The following NKTR variants were observed in gnomAD, a reference collection of about 807,000 sequenced individuals.
NKTR encodes natural killer cell triggering receptor, also known as NK-tumor recognition protein.
NKTR carries 67 observed loss-of-function variants against 156.3 expected under a neutral mutation model. That is an observed-to-expected ratio of 0.43 (90% CI 0.35 to 0.53). The LOEUF (loss-of-function observed/expected upper bound fraction) is 0.53, where lower values mean the gene tolerates loss of function less well. Ranked by LOEUF, NKTR falls within the 20% of genes least tolerant of loss-of-function variation. NKTR has a pLI of 0.01. For synonymous variants in NKTR, 640 were observed against 596.6 expected (o/e 1.07, Z -1.06); for missense variants, 1,604 against 1,730.9 (o/e 0.93, Z 1.30).
At chr3:42,601,116 G>C in intron 2 of NKTR, 52 bp downstream of exon 2, 1 of 1,467,650 alleles carries the variant, frequency 6.8e-7, no homozygotes, top group Non-Finnish European at 9.2e-7. Context: ...CCTTGGCGAA[G>C]GGGAGGGGTC....
chr3:42,620,257 G>T, intron 5 of NKTR: 1 of 1,251,666 alleles, frequency 8.0e-7, no homozygotes, highest in Non-Finnish European at 1.0e-6. Context: ...GTCTAGTTGT[G>T]GGGTTTTTTT....
chr3:42,602,814 C>G (rs752174902), intron 2 of NKTR: 1 of 151,396 alleles, frequency 6.6e-6, no homozygotes, highest in Non-Finnish European at 1.5e-5. Context: ...GTCAGGAGTT[C>G]GAGACCAGCC....
Position 42,620,081 on chromosome 3 carries a change from T to C in NKTR, c.286+373T>C, listed in dbSNP as rs549425936. 2.6e-5 allele frequency: 40 copies of C among 1,532,072 alleles called. No homozygotes were observed. The African/African-American group carries it at 4.8e-4, about 18-fold the overall frequency. 94.9% of individuals were successfully genotyped at this position (1,532,072 alleles called of 1,614,324 possible). A position where few individuals can be genotyped will look rare whatever the true frequency, so the allele number is the denominator to read the frequency against. The stretch of plus-strand genomic sequence containing the variant: ...AGCTCAGTAACACAAACTCCAATTC[T>C]GTTCCCTTGCACCCTTCCTAATAAA... On this transcript the variant is annotated intron_variant, in intron 5 of 16. Coordinates refer to ENST00000232978, the MANE Select transcript of NKTR (RefSeq NM_005385.4).
chr3:42,609,158 G>A (rs1706532089), intron 2 of NKTR, among the ~76,000 whole-genome samples: 1 of 151,388 alleles, frequency 6.6e-6, no homozygotes, highest in Non-Finnish European at 1.5e-5. Flanking sequence ...AGATCAAATA[G>A]AACAAAAGAT....
intron 2 of NKTR, among the ~76,000 whole-genome samples, chr3:42,613,460 A>C (rs1355876586): frequency 6.6e-6 from 1 of 152,078 alleles, no homozygotes; most frequent in Non-Finnish European, 1.5e-5. Context: ...CTTGCTTGTA[A>C]TTAATTGTTC....
chr3:42,615,067 T>A (rs573977403), intron 2 of NKTR, among the ~76,000 whole-genome samples: 1 of 149,822 alleles, frequency 6.7e-6, no homozygotes, highest in Admixed American at 6.7e-5. Context: ...ATATTAGAGG[T>A]GAGATTTGTT....
At chr3:42,604,658 C>CTTTTTTTT (rs1706019981) in intron 2 of NKTR, among the ~76,000 whole-genome samples, 1 of 78,070 alleles carries the variant, frequency 1.3e-5, no homozygotes, top group East Asian at 2.9e-4. Context: ...CTATTTCTCT[C>CTTTTTTTT]CTTTTTTTTT....
At chr3:42,624,577 A>G (rs1035064338) in intron 6 of NKTR, among the ~76,000 whole-genome samples, 18 of 152,136 alleles carry the variant, frequency 1.2e-4, no homozygotes, top group Admixed American at 1.1e-3. Flanking sequence ...TTGAAAAGTC[A>G]TGTAAAGTCC....
intron 2 of NKTR, among the ~76,000 whole-genome samples, chr3:42,610,069 A>G (rs1011557321): frequency 1.3e-5 from 2 of 151,934 alleles, no homozygotes; most frequent in Admixed American, 6.6e-5. Context: ...AAAATGGTGC[A>G]ATCTCGGCTC....
At chr3:42,609,199 A>G (rs1445569577) in intron 2 of NKTR, among the ~76,000 whole-genome samples, 1 of 151,916 alleles carries the variant, frequency 6.6e-6, no homozygotes, top group Non-Finnish European at 1.5e-5. Context: ...TTAGAAAATT[A>G]CAAGTTTTAG....
At chr3:42,600,861 C>A in intron 1 of NKTR, 83 bp downstream of exon 1, 1 of 552,670 alleles carries the variant, frequency 1.8e-6, no homozygotes, top group Non-Finnish European at 2.9e-6. Flanking sequence ...TGGCCTCCTG[C>A]GCTGTCGCGA....
At chr3:42,611,050 A>G (rs3774401) in intron 2 of NKTR, 26,050 of 152,134 alleles carry the variant, frequency 0.17, 2,682 homozygotes, top group African/African-American at 0.29. Context: ...ATTTATGACT[A>G]TATGCAGTGA....
chr3:42,646,582 G>C lies in NKTR; in HGVS notation c.*607G>C, dbSNP rs1474469988. 1 of 152,618 alleles carries C rather than the reference G, an allele frequency of 6.6e-6. No homozygotes were observed. The highest frequency in any genetic ancestry group is 2.4e-5 in the African/African-American group (1 of 41,430). The allele number at this position is 152,618 out of a possible 1,614,324, so 9.5% of individuals were successfully genotyped here. A position where few individuals can be genotyped will look rare whatever the true frequency, so the allele number is the denominator to read the frequency against. On this transcript the variant is annotated 3_prime_UTR_variant, in exon 17 of 17. Transcript: ENST00000232978. Reference sequence around the variant, plus strand: ...ATCCCACACAGTCTGTATTACTTCAGGCTTGTGGGCAAGGTTAGGAAGAAT... The same window carrying C: ...ATCCCACACAGTCTGTATTACTTCACGCTTGTGGGCAAGGTTAGGAAGAAT...
At position 42,623,198 on chromosome 3, in the gene NKTR, C is replaced by G. The variant is rs142932420; in HGVS notation, c.374+1682C>G. Among the ~76,000 whole-genome samples, 885 of 151,850 alleles carry G rather than the reference C, an allele frequency of 5.8e-3. 5 individuals carry two copies. Among genetic ancestry groups the G allele is most frequent in the Middle Eastern group, 0.02 (6 of 294 alleles). ...CCACATGGCCTAATTTTATATTGGACTACAATTTTTGAGAAGGAATGCCAA... is the reference window on the plus strand; with the variant it reads ...CCACATGGCCTAATTTTATATTGGAGTACAATTTTTGAGAAGGAATGCCAA... On this transcript the variant is annotated intron_variant, in intron 6 of 16. Coordinates refer to ENST00000232978, the MANE Select transcript of NKTR (RefSeq NM_005385.4).
chr3:42,621,223 T>C (rs1707871615), intron 5 of NKTR: 1 of 1,214,818 alleles, frequency 8.2e-7, no homozygotes, highest in Admixed American at 4.4e-5. Flanking sequence ...ATATGTTCTT[T>C]TCCTCAAGGC....
intron 13 of NKTR, 102 bp downstream of exon 13, chr3:42,639,852 C>CT: frequency 1.2e-6 from 1 of 868,142 alleles, no homozygotes; most frequent in East Asian, 2.4e-5. Flanking sequence ...TTCCAAATAT[C>CT]TGAAAGGAAT....
chr3:42,643,994 G>T lies in NKTR; in HGVS notation c.4292G>T (p.Arg1431Leu). The T allele has an allele frequency of 6.2e-7, 1 of 1,613,296 alleles. No individual in the cohort carries two copies. Among genetic ancestry groups the T allele is most frequent in the South Asian group, 1.1e-5 (1 of 91,050 alleles). ...TACCACCGAGGCAGAAGTTATAATC[G>T]GCGGTCCAGGTGGGTCTCTCTCCTT... ...DSYHRGRSYNRRSRSCRSYGS... is the reference protein window; with the variant it reads ...DSYHRGRSYNLRSRSCRSYGS... Residue 1431 changes from arginine to leucine, a missense_variant, in exon 16 of 17, where the codon CGG (arginine) becomes CTG (leucine). Arg to Leu is a moderately radical substitution (Grantham distance 102). Around this residue, in one of 6 missense-constraint regions of NKTR, gnomAD observed 193 missense variants for 220.2 expected, o/e 0.88. Transcript: ENST00000232978.
chr3:42,635,398 GTC>G, intron 12 of NKTR, 32 bp downstream of exon 12: 3 of 1,539,816 alleles, frequency 1.9e-6, no homozygotes, highest in Non-Finnish European at 2.6e-6. Context: ...ACAATCCTGT[GTC>G]TGTTATATTT....
intron 6 of NKTR, chr3:42,630,097 T>G: frequency 1.0e-6 from 1 of 987,450 alleles, no homozygotes; most frequent in Non-Finnish European, 1.2e-6. Context: ...AAGAAAACAT[T>G]TAAGTGTTTG....
Sources: gnomAD v4.1 joint callset for allele counts (sites outside exome capture counted in the v4.1 genomes callset) on GRCh38, gnomAD v4.1.1 for gene constraint, gnomAD v4.1.1 regional missense constraint, MANE v1.5 for transcripts, NCBI Gene and HGNC (gene_info 2026-07-23, HGNC 2026-07-21) for gene names.